The following PRKCA variants were observed in gnomAD, a reference collection of about 807,000 sequenced individuals.
PRKCA encodes protein kinase C alpha type.
Under a neutral mutation model 87.0 loss-of-function variants are expected in PRKCA, and 27 were observed. The ratio of observed to expected loss-of-function variants is 0.31; its 90% confidence interval spans 0.23 to 0.43. The LOEUF is 0.43. Ranked by LOEUF, PRKCA falls within the 20% of genes least tolerant of loss-of-function variation. The pLI, the probability that PRKCA is intolerant of heterozygous loss-of-function variation, is 1.00. For synonymous variants in PRKCA, 329 were observed against 311.1 expected, an observed-to-expected ratio of 1.06 and a Z score of -0.61; for missense variants, 518 against 852.3, an observed-to-expected ratio of 0.61 and a Z score of 4.88.
rs148881084 is a variant in PRKCA, at chr17:66,594,307, G to A, written c.289-47048G>A. ...TGACAGCTCTTCCTGGCATATGTTGGTTGGGTGGGGTGGTCTAAGGACTGC... is the reference window on the plus strand; with the variant it reads ...TGACAGCTCTTCCTGGCATATGTTGATTGGGTGGGGTGGTCTAAGGACTGC... On this transcript the variant is annotated intron_variant, in intron 3 of 16. Transcript: ENST00000413366. Among the ~76,000 whole-genome samples the A allele has an allele frequency of 1.7e-3, 258 of 152,280 alleles. 1 individual carries two copies. The highest frequency in any genetic ancestry group is 6.1e-3 in the African/African-American group (253 of 41,552).
chr17:66,731,870 G>A (rs1598904103), intron 8 of PRKCA, among the ~76,000 whole-genome samples: 2 of 121,728 alleles, frequency 1.6e-5, no homozygotes, highest in African/African-American at 3.2e-5. Context: ...TGCAACCTCC[G>A]CCCCCCGCCC....
chr17:66,628,065 C>T (rs1970907859), intron 3 of PRKCA, among the ~76,000 whole-genome samples: 1 of 152,134 alleles, frequency 6.6e-6, no homozygotes, highest in South Asian at 2.1e-4. Context: ...ATTAACATAT[C>T]ACTTTTTAGC....
intron 2 of PRKCA, among the ~76,000 whole-genome samples, chr17:66,399,166 G>A (rs958717045): frequency 2.7e-5 from 4 of 147,560 alleles, no homozygotes; most frequent in Non-Finnish European, 5.9e-5. Flanking sequence ...TGGTGCGATC[G>A]CGGCTCGCTG....
At chr17:66,359,574 TG>T (rs1487797758) in intron 2 of PRKCA, among the ~76,000 whole-genome samples, 15 of 152,230 alleles carry the variant, frequency 9.9e-5, no homozygotes, top group African/African-American at 1.7e-4. Context: ...TTGAGGTCAT[TG>T]TCATTTAAAG....
At chr17:66,377,749 G>C (rs1280632816) in intron 2 of PRKCA, among the ~76,000 whole-genome samples, 2 of 102,494 alleles carry the variant, frequency 2.0e-5, no homozygotes, top group Non-Finnish European at 3.7e-5. Flanking sequence ...TTTTGAGGCA[G>C]GACCTCACTC....
At chr17:66,495,101 C>A (rs972062100) in intron 2 of PRKCA, among the ~76,000 whole-genome samples, 565 of 131,898 alleles carry the variant, frequency 4.3e-3, no homozygotes, top group Admixed American at 4.5e-3. Context: ...GACCCGGTCT[C>A]AAAAAAAAAA....
At chr17:66,548,086 G>C (rs1380817911) in intron 3 of PRKCA, among the ~76,000 whole-genome samples, 1 of 152,206 alleles carries the variant, frequency 6.6e-6, no homozygotes, top group Non-Finnish European at 1.5e-5. Context: ...ACGAATTGTA[G>C]CTGTAATTGT....
intron 2 of PRKCA, among the ~76,000 whole-genome samples, chr17:66,378,332 T>G (rs1335051949): frequency 1.3e-5 from 2 of 152,090 alleles, no homozygotes; most frequent in East Asian, 3.9e-4. Flanking sequence ...GTTCTTCTGA[T>G]TTTTTTCCCT....
chr17:66,338,716 G>GA (rs1304483443), intron 2 of PRKCA, among the ~76,000 whole-genome samples: 1 of 151,868 alleles, frequency 6.6e-6, no homozygotes, highest in African/African-American at 2.4e-5. Flanking sequence ...AGAAGGGGAT[G>GA]AAAAAAAATA....
intron 2 of PRKCA, among the ~76,000 whole-genome samples, chr17:66,486,377 G>A (rs1314936668): frequency 6.6e-6 from 1 of 152,220 alleles, no homozygotes. Context: ...TGGCAAACGT[G>A]TCGCTGTCAT....
At chr17:66,748,376 A>G (rs1974346801) in intron 13 of PRKCA, among the ~76,000 whole-genome samples, 1 of 152,244 alleles carries the variant, frequency 6.6e-6, no homozygotes, top group African/African-American at 2.4e-5. Context: ...CCAATGGGCT[A>G]TCACCTATGA....
chr17:66,705,033 G>T (rs556639672), intron 8 of PRKCA, among the ~76,000 whole-genome samples: 1 of 152,206 alleles, frequency 6.6e-6, no homozygotes, highest in South Asian at 2.1e-4. Flanking sequence ...CCCTGCCACG[G>T]TTACTATGGA....
intron 3 of PRKCA, among the ~76,000 whole-genome samples, chr17:66,530,626 T>G (rs1967503010): frequency 6.6e-6 from 1 of 152,114 alleles, no homozygotes; most frequent in Non-Finnish European, 1.5e-5. Context: ...CTTCCAAACC[T>G]TCCGTATTTT....
intron 2 of PRKCA, among the ~76,000 whole-genome samples, chr17:66,455,583 T>C (rs1914543382): frequency 6.6e-6 from 1 of 152,242 alleles, no homozygotes; most frequent in Non-Finnish European, 1.5e-5. Flanking sequence ...GTGATGGAAG[T>C]CTGGCTGAGT....
intron 10 of PRKCA, 55 bp from the exon 11 acceptor site, chr17:66,738,709 G>A: frequency 7.0e-7 from 1 of 1,436,318 alleles, no homozygotes; most frequent in Non-Finnish European, 9.8e-7. Context: ...GAAGAGCAAA[G>A]GAAGCCACTT....
At chr17:66,587,582 TAGATAGAC>T (rs896319302) in intron 3 of PRKCA, among the ~76,000 whole-genome samples, 3 of 151,736 alleles carry the variant, frequency 2.0e-5, no homozygotes, top group African/African-American at 7.3e-5. Context: ...TATATATAGA[TAGATAGAC>T]AGATAGATAG....
chr17:66,478,512 CT>C (rs1467426765), intron 2 of PRKCA, among the ~76,000 whole-genome samples: 1 of 152,124 alleles, frequency 6.6e-6, no homozygotes, highest in African/African-American at 2.4e-5. Flanking sequence ...CCTTGGCCTT[CT>C]GAAGTGTTGG....
At chr17:66,725,062 T>C (rs951723814) in intron 8 of PRKCA, among the ~76,000 whole-genome samples, 2 of 152,162 alleles carry the variant, frequency 1.3e-5, no homozygotes, top group African/African-American at 4.8e-5. Flanking sequence ...AGGGCATGGT[T>C]TCAGCTTGCT....
At chr17:66,668,972 A>G (rs903449388) in intron 5 of PRKCA, among the ~76,000 whole-genome samples, 9 of 152,056 alleles carry the variant, frequency 5.9e-5, no homozygotes, top group Non-Finnish European at 1.5e-5. Context: ...GCATGGTGGC[A>G]CACACCTGTA....
Sources: gnomAD v4.1 joint callset for allele counts (sites outside exome capture counted in the v4.1 genomes callset) on GRCh38, gnomAD v4.1.1 for gene constraint, MANE v1.5 for transcripts, NCBI Gene and HGNC (gene_info 2026-07-23, HGNC 2026-07-21) for gene names.